GBF1: variants seen among roughly 807,000 people sequenced by gnomAD.
GBF1 encodes golgi brefeldin A resistant guanine nucleotide exchange factor 1.
Under a neutral mutation model 210.5 loss-of-function variants are expected in GBF1, and 114 were observed. The ratio of observed to expected loss-of-function variants is 0.54; its 90% CI spans 0.47 to 0.63. The LOEUF is 0.63. GBF1 is among the 30% of genes least tolerant of loss of function. The pLI is 0.00. For missense variants in GBF1, 1,851 were observed against 2,357.7 expected, an observed-to-expected ratio of 0.79 and a Z score of 4.45; for synonymous variants, 850 against 889.2, an observed-to-expected ratio of 0.96 and a Z score of 0.78.
chr10:102,232,452 G>GCCT, the GBF1 span, among the ~76,000 whole-genome samples: 1 of 152,246 alleles, frequency 6.6e-6, no homozygotes, highest in South Asian at 2.1e-4. Flanking sequence ...GGAGGCCAAG[G>GCCT]CGGGTGGATC....
intron 3 of GBF1, among the ~76,000 whole-genome samples, chr10:102,332,589 G>A (rs2057416827): frequency 6.6e-6 from 1 of 151,966 alleles, no homozygotes; most frequent in African/African-American, 2.4e-5. Flanking sequence ...TCACCATGTT[G>A]GTCAGGCTGG....
rs2060162610 is a variant in GBF1 at position 102,370,758 on chromosome 10, C to T, written c.3558C>T (p.Leu1186=). The change falls in exon 29 of 40, where the codon CTC becomes CTT. Residue 1186 remains leucine (L), a synonymous_variant. Coordinates refer to ENST00000369983, the MANE Select transcript of GBF1 (RefSeq NM_001377137.1). ...CTGTTCGAGACCATCTATACCACCTCTGTGTTCAGGCACAAGATTTCTGCT... is the reference window on the plus strand; with the variant it reads ...CTGTTCGAGACCATCTATACCACCTTTGTGTTCAGGCACAAGATTTCTGCT... ...WQTVRDHLYH[L]CVQAQDFCFL... 1 of 1,613,944 alleles carries T rather than the reference C, an allele frequency of 6.2e-7. No homozygotes were observed. The highest frequency in any genetic ancestry group is 1.3e-5 in the African/African-American group (1 of 74,928).
chr10:102,250,416 G>A (rs1048695728), intron 1 of GBF1, among the ~76,000 whole-genome samples: 1 of 152,056 alleles, frequency 6.6e-6, no homozygotes, highest in Non-Finnish European at 1.5e-5. Context: ...GAGTCCAGTG[G>A]TGTCATCATA....
At chr10:102,279,158 C>A (rs925588048) in intron 3 of GBF1, among the ~76,000 whole-genome samples, 5 of 152,078 alleles carry the variant, frequency 3.3e-5, no homozygotes, top group African/African-American at 1.2e-4. Flanking sequence ...AATTGCATAC[C>A]CTAAAGATCT....
In GBF1 at chr10:102,333,327, G is replaced by A. The variant is rs1327686790; in HGVS notation, c.164-10724G>A. Among the ~76,000 whole-genome samples the A allele has an allele frequency of 3.3e-5, 5 of 152,282 alleles. No homozygotes were observed. The South Asian group carries it at 6.2e-4, about 19-fold the overall frequency. ...TTTCTGGAATCCGTTCCTGAACCAA[G>A]CCTAAATTCCCACCTGTCCATTCAT... On this transcript the variant is annotated intron_variant, in intron 3 of 39. Coordinates refer to ENST00000369983, the MANE Select transcript of GBF1 (RefSeq NM_001377137.1).
the GBF1 span, among the ~76,000 whole-genome samples, chr10:102,233,231 G>A: frequency 6.6e-6 from 1 of 151,576 alleles, no homozygotes; most frequent in East Asian, 1.9e-4. Context: ...GGCCTTGCTT[G>A]GGTCGGCTTC....
chr10:102,342,340 T>C (rs1033975447), intron 3 of GBF1, among the ~76,000 whole-genome samples: 7 of 151,942 alleles, frequency 4.6e-5, no homozygotes, highest in African/African-American at 1.7e-4. Flanking sequence ...CCCGGCCCTT[T>C]TATGTGCTTT....
At chr10:102,306,951 ATC>A (rs139525778) in intron 3 of GBF1, among the ~76,000 whole-genome samples, 2,748 of 152,306 alleles carry the variant, frequency 0.018, 75 homozygotes, top group African/African-American at 0.062. Context: ...TATTTCAGGG[ATC>A]TATGAGAAGG....
rs11818478 is a variant in GBF1, at chr10:102,320,956, C to T, written c.164-23095C>T. On this transcript the variant is annotated intron_variant, in intron 3 of 39. Transcript: ENST00000369983. Reference sequence around the variant, plus strand: ...GATTACAGGTGTGCACCACCACGCCCGGCTAGTTTTTGTATTTTTAGTAGA... The same window carrying T: ...GATTACAGGTGTGCACCACCACGCCTGGCTAGTTTTTGTATTTTTAGTAGA... Among the ~76,000 whole-genome samples, 945 of 151,730 alleles carry T rather than the reference C, an allele frequency of 6.2e-3. 8 individuals are homozygous for T. The highest frequency in any genetic ancestry group is 0.022 in the African/African-American group (904 of 41,344).
chr10:102,303,254 C>T (rs1589560334), intron 3 of GBF1, among the ~76,000 whole-genome samples: 1 of 152,156 alleles, frequency 6.6e-6, no homozygotes, highest in East Asian at 1.9e-4. Flanking sequence ...TCCCAAAGTG[C>T]TGGGATTACA....
chr10:102,380,585 G>A lies in GBF1; in HGVS notation c.5072G>A (p.Arg1691Gln), dbSNP rs778734135. 1.1e-5 allele frequency: 17 copies of A among 1,613,830 alleles called. No homozygotes were observed. The highest frequency in any genetic ancestry group is 3.3e-4 in the Middle Eastern group (2 of 6,084). ...TAEIFHSADA[R>Q]GGGPSALWEI... ...GAGATTTTCCACAGTGCAGATGCAC[G>A]GGGAGGCGGCCCCTCGGCCCTCTGG... Residue 1691 changes from arginine (R) to glutamine (Q), a missense_variant, in exon 38 of 40, where the codon CGG becomes CAG. By Grantham distance (43) the Arg-to-Gln change is conservative. Around this residue, in one of 3 missense-constraint regions of GBF1, gnomAD observed 967 missense variants for 1,247.7 expected, o/e 0.78. Transcript: ENST00000369983.
the GBF1 span, among the ~76,000 whole-genome samples, chr10:102,239,929 T>A: frequency 2.0e-5 from 3 of 152,222 alleles, no homozygotes; most frequent in African/African-American, 7.2e-5. Context: ...GAGGGCCAGA[T>A]AGCCCCCTGT....
At chr10:102,272,135 C>T (rs1265967186) in intron 3 of GBF1, among the ~76,000 whole-genome samples, 4 of 150,298 alleles carry the variant, frequency 2.7e-5, no homozygotes, top group Non-Finnish European at 5.9e-5. Flanking sequence ...TAGACGGAGT[C>T]TTGCTCTGTC....
At chr10:102,236,760 A>G in the GBF1 span, among the ~76,000 whole-genome samples, 2 of 152,204 alleles carry the variant, frequency 1.3e-5, no homozygotes, top group African/African-American at 2.4e-5. Flanking sequence ...ATCGGTTGCA[A>G]TAATAATGCC....
rs551956095 is a variant in GBF1 at position 102,260,635 on chromosome 10, A to G, written c.163+519A>G. On this transcript the variant is annotated intron_variant, in intron 3 of 39. Transcript: ENST00000369983. ...TGGGATTACAGGCGCGTGCCACCACACCTGCCTAATTTTTGTATTTTTAGT... is the reference window on the plus strand; with the variant it reads ...TGGGATTACAGGCGCGTGCCACCACGCCTGCCTAATTTTTGTATTTTTAGT... Among the ~76,000 whole-genome samples the G allele has an allele frequency of 4.0e-3, 599 of 150,936 alleles. 4 individuals are homozygous for G. The highest frequency in any genetic ancestry group is 0.014 in the African/African-American group (573 of 41,064).
At position 102,368,430 on chromosome 10, in the gene GBF1, T is replaced by C. The variant is rs142478596; in HGVS notation, c.2855T>C (p.Ile952Thr). ...VFDKSLEETI[I>T]QKAISGFRKC... ...GACAAAAGCCTTGAGGAGACAATCA[T>C]CCAGAAAGCCATCTCAGGCTTCAGG... The change falls in exon 22 of 40, where the codon ATC (isoleucine) becomes ACC (threonine). Residue 952 changes from isoleucine (I) to threonine (T), a missense_variant. Ile to Thr is a moderately conservative substitution (Grantham distance 89). Around this residue, in one of 3 missense-constraint regions of GBF1, gnomAD observed 967 missense variants for 1,247.7 expected, o/e 0.78. Transcript: ENST00000369983. 8.1e-6 allele frequency: 13 copies of C among 1,611,254 alleles called. No homozygotes were observed. The highest frequency in any genetic ancestry group is 1.1e-5 in the Non-Finnish European group (13 of 1,177,434).
In GBF1 at chr10:102,379,354, G is replaced by A. The variant is rs1380564955; in HGVS notation, c.4565G>A (p.Arg1522His). Residue 1522 changes from arginine (R) to histidine (H), a missense_variant, in exon 34 of 40, where the codon CGC becomes CAC. By Grantham distance (29) the Arg-to-His change is conservative. This residue lies in a region of GBF1 where 967 missense variants were observed against 1,247.7 expected (regional missense o/e 0.78). Transcript: ENST00000369983. ...TACAGCTCATGGGCGGAGGAGCAAC[G>A]CCACCTGGAGACAGGTGGCCAGAAG... is the stretch of plus-strand genomic sequence containing the variant. ...SIYSSWAEEQ[R>H]HLETGGQKIE... The A allele has an allele frequency of 6.2e-6, 10 of 1,613,906 alleles. No individual in the cohort carries two copies. The highest frequency in any genetic ancestry group is 2.2e-5 in the East Asian group (1 of 44,862).
chr10:102,286,810 G>T (rs1423967463), intron 3 of GBF1, among the ~76,000 whole-genome samples: 1 of 152,200 alleles, frequency 6.6e-6, no homozygotes, highest in Non-Finnish European at 1.5e-5. Flanking sequence ...TATCTCTGGG[G>T]ATAAATTTGC....
intron 3 of GBF1, among the ~76,000 whole-genome samples, chr10:102,261,615 C>CTT (rs10711743): frequency 6.9e-5 from 8 of 116,094 alleles, no homozygotes; most frequent in African/African-American, 2.4e-4. Flanking sequence ...TTCTTTCTTT[C>CTT]TTTTTTTTTT....
Sources: allele counts gnomAD v4.1 joint callset (sites outside exome capture counted in the v4.1 genomes callset), GRCh38; gene constraint gnomAD v4.1.1; regional missense constraint gnomAD v4.1.1; transcripts MANE v1.5; gene names NCBI Gene and HGNC (gene_info 2026-07-23, HGNC 2026-07-21).